The following PCDHGA5 variants were observed in gnomAD, a reference collection of about 807,000 sequenced individuals.
PCDHGA5 encodes the protein protocadherin gamma subfamily A, 5.
A neutral mutation model predicts 56.7 loss-of-function variants in PCDHGA5; 36 were observed. That is an observed-to-expected ratio of 0.64 (90% CI 0.49 to 0.84). PCDHGA5 has a LOEUF of 0.84. Ranked by LOEUF, PCDHGA5 falls within the 40% of genes least tolerant of loss-of-function variation. The pLI is 0.00. For synonymous variants in PCDHGA5, 563 were observed against 520.2 expected (o/e 1.08, Z -1.12); for missense variants, 1,305 against 1,201.5 (o/e 1.09, Z -1.27).
chr5:141,456,098 C>T (rs1222639126), intron 1 of PCDHGA5, among the ~76,000 whole-genome samples: 2 of 151,980 alleles, frequency 1.3e-5, no homozygotes, highest in Non-Finnish European at 2.9e-5. Flanking sequence ...GGGATTTCAC[C>T]GTGTTAGCCA....
At chr5:141,503,332 C>T (rs536647792) in intron 2 of PCDHGA5, among the ~76,000 whole-genome samples, 5 of 152,074 alleles carry the variant, frequency 3.3e-5, no homozygotes, top group Admixed American at 6.5e-5. Context: ...CGCGGTGGCT[C>T]ACGCCTGTAA....
intron 1 of PCDHGA5, among the ~76,000 whole-genome samples, chr5:141,474,862 T>C (rs1281140736): frequency 6.6e-6 from 1 of 152,264 alleles, no homozygotes; most frequent in Non-Finnish European, 1.5e-5. Context: ...CTTCATTTAA[T>C]AGGATAGGAG....
chr5:141,452,165 C>T (rs917431071), intron 1 of PCDHGA5, among the ~76,000 whole-genome samples: 2 of 152,120 alleles, frequency 1.3e-5, no homozygotes, highest in African/African-American at 4.8e-5. Flanking sequence ...TATTCTATTA[C>T]TAACATTTTT....
At chr5:141,388,674 G>A in intron 1 of PCDHGA5, 2 of 1,613,940 alleles carry the variant, frequency 1.2e-6, no homozygotes, top group Non-Finnish European at 8.5e-7. Context: ...GGTGCTACAG[G>A]TGACTGCCAC....
At chr5:141,418,349 A>G in intron 1 of PCDHGA5, 1 of 1,614,016 alleles carries the variant, frequency 6.2e-7, no homozygotes, top group South Asian at 1.1e-5. Context: ...TGATATTAGT[A>G]TGAATTCGCT....
At position 141,431,510 on chromosome 5, in the gene PCDHGA5, G is replaced by T; in HGVS notation, c.2422-63297G>T. On this transcript the variant is annotated intron_variant, in intron 1 of 3. Transcript: ENST00000518069. The surrounding 1 kb of genome is among the most constrained non-coding windows in gnomAD (Gnocchi z 4.8). ...TGCTCAGCCCGAGTACCGCGCGAGC[G>T]TTCCGGAGAATCTGGCCTTGGGCAC... 1 of 1,614,022 alleles carries T rather than the reference G, an allele frequency of 6.2e-7. No individual in the cohort carries two copies. Among genetic ancestry groups the T allele is most frequent in the Non-Finnish European group, 8.5e-7 (1 of 1,180,026 alleles).
chr5:141,425,881 A>C (rs911454948), intron 1 of PCDHGA5, among the ~76,000 whole-genome samples: 1 of 152,230 alleles, frequency 6.6e-6, no homozygotes, highest in African/African-American at 2.4e-5. Context: ...TCTCTAAGGA[A>C]TCTTCTTTGG....
At chr5:141,472,323 C>T (rs980684595) in intron 1 of PCDHGA5, among the ~76,000 whole-genome samples, 4 of 151,498 alleles carry the variant, frequency 2.6e-5, no homozygotes, top group East Asian at 2.0e-4. Flanking sequence ...AGGCAGATCA[C>T]GAGGTTGGGA....
intron 3 of PCDHGA5, among the ~76,000 whole-genome samples, chr5:141,509,420 G>A (rs1384424118): frequency 6.6e-6 from 1 of 152,128 alleles, no homozygotes; most frequent in East Asian, 1.9e-4. Context: ...GAGCCCCAAT[G>A]AGTCAAACTC....
chr5:141,390,479 T>C lies in PCDHGA5; in HGVS notation c.2421+23728T>C, dbSNP rs143576019. On this transcript the variant is annotated intron_variant, in intron 1 of 3. Coordinates refer to ENST00000518069, the MANE Select transcript of PCDHGA5 (RefSeq NM_018918.3). Reference sequence around the variant, plus strand: ...GTAGGAGCAATTGTGTGGCCCAACATTTGTTTGTTTTTTAGCCAAGCTTAG... The same window carrying C: ...GTAGGAGCAATTGTGTGGCCCAACACTTGTTTGTTTTTTAGCCAAGCTTAG... 1.6e-3 allele frequency: 1,064 copies of C among 668,890 alleles called. 6 individuals are homozygous for C. The highest frequency in any genetic ancestry group is 0.016 in the African/African-American group (871 of 55,142). The allele number at this position is 668,890 out of a possible 1,614,324, so 41.4% of individuals were successfully genotyped here.
intron 1 of PCDHGA5, chr5:141,382,901 TGGC>T (rs1204971797): frequency 6.5e-7 from 1 of 1,543,194 alleles, no homozygotes; most frequent in African/African-American, 1.4e-5. Context: ...AGGACGACTA[TGGC>T]GGCTCAGCCG....
Position 141,366,144 on chromosome 5 carries a change from C to T in PCDHGA5, c.1814C>T (p.Ser605Phe), listed in dbSNP as rs925056179. Residue 605 changes from serine (S) to phenylalanine (F), a missense_variant, in exon 1 of 4, where the codon TCC (serine) becomes TTC (phenylalanine). Physicochemically the swap from Ser to Phe is radical, Grantham distance 155. Coordinates refer to ENST00000518069, the MANE Select transcript of PCDHGA5 (RefSeq NM_018918.3). ...GATTCAGGCCAGAACGCCTGGCTGT[C>T]CTACCGCCTGCTTAAGGCCAGCGAG... ...DKDSGQNAWL[S>F]YRLLKASEPG... 3 of 1,614,182 alleles carry T rather than the reference C, an allele frequency of 1.9e-6. No homozygotes were observed. The highest frequency in any genetic ancestry group is 2.5e-6 in the Non-Finnish European group (3 of 1,180,046).
Position 141,486,662 on chromosome 5 carries a change from C to T in PCDHGA5, c.2422-8145C>T. 6.2e-7 allele frequency: 1 copy of T among 1,613,970 alleles called. No homozygotes were observed. The highest frequency in any genetic ancestry group is 1.1e-5 in the South Asian group (1 of 91,086). ...GCTTATCTCCTACTCACTCCTGGAG[C>T]CCAGGAATCGAGATGTATCAGCTTC... On this transcript the variant is annotated intron_variant, in intron 1 of 3. Coordinates refer to ENST00000518069, the MANE Select transcript of PCDHGA5 (RefSeq NM_018918.3). The surrounding 1 kb of genome is among the most constrained non-coding windows in gnomAD (Gnocchi z 5.0).
chr5:141,494,142 A>G (rs2099752161), intron 1 of PCDHGA5, among the ~76,000 whole-genome samples: 1 of 152,090 alleles, frequency 6.6e-6, no homozygotes, highest in South Asian at 2.1e-4. Context: ...TTAGTCACAG[A>G]CCATTGTCTG....
chr5:141,433,547 C>G (rs2097621028), intron 1 of PCDHGA5, among the ~76,000 whole-genome samples: 1 of 152,086 alleles, frequency 6.6e-6, no homozygotes, highest in South Asian at 2.1e-4. Context: ...ATCAGATATT[C>G]TTTTCTGGCT....
At chr5:141,388,401 A>G (rs1243768242) in intron 1 of PCDHGA5, 1 of 1,613,908 alleles carries the variant, frequency 6.2e-7, no homozygotes, top group Non-Finnish European at 8.5e-7. Context: ...TTACCAACTC[A>G]GTCCCAGTGA....
chr5:141,428,563 G>A, intron 1 of PCDHGA5: 2 of 237,566 alleles, frequency 8.4e-6, no homozygotes, highest in East Asian at 1.1e-4. Flanking sequence ...CCCCCCACAA[G>A]ATCTTTCTAA....
At position 141,423,462 on chromosome 5, in the gene PCDHGA5, C is replaced by A. The variant is rs371118964; in HGVS notation, c.2421+56711C>A. ...CCACGTCACATTTTGTAGGCGTGGA[C>A]GGGGTACAGGCTTTCCTGCAAACCT... On this transcript the variant is annotated intron_variant, in intron 1 of 3. Transcript: ENST00000518069. 8.1e-6 allele frequency: 13 copies of A among 1,613,808 alleles called. No homozygotes were observed. The African/African-American group carries it at 1.7e-4, about 22-fold the overall frequency.
At chr5:141,404,703 C>T (rs545479443) in intron 1 of PCDHGA5, 3 of 1,614,124 alleles carry the variant, frequency 1.9e-6, no homozygotes, top group African/African-American at 2.7e-5. Flanking sequence ...TCTGCAGAGC[C>T]TGGCTACCTG....
Sources: gnomAD v4.1 joint callset for allele counts (sites outside exome capture counted in the v4.1 genomes callset) on GRCh38, gnomAD v4.1.1 for gene constraint, Gnocchi (gnomAD v3.1) non-coding constraint, MANE v1.5 for transcripts, NCBI Gene and HGNC (gene_info 2026-07-23, HGNC 2026-07-21) for gene names.